Variants in NRXN3 observed in about 807,000 individuals in gnomAD.
NRXN3 encodes neurexin 3.
NRXN3 carries 32 observed loss-of-function variants against 137.6 expected under a neutral mutation model. The observed-to-expected ratio is 0.23, with a 90% CI of 0.18 to 0.31. NRXN3 has a LOEUF of 0.31. NRXN3 is among the 10% of genes least tolerant of loss of function. NRXN3 has a pLI of 1.00. For synonymous variants in NRXN3, 798 were observed against 784.5 expected, an observed-to-expected ratio of 1.02 and a Z score of -0.29; for missense variants, 1,574 against 2,062.5, an observed-to-expected ratio of 0.76 and a Z score of 4.59.
chr14:78,709,751 T>C, intron 7 of NRXN3, 96 bp downstream of exon 7: 2 of 1,098,094 alleles, frequency 1.8e-6, no homozygotes, highest in South Asian at 1.5e-5. Context: ...CACCCTTGCA[T>C]GCTTGTTGAT....
chr14:78,748,312 C>T (rs1389097173), intron 8 of NRXN3, among the ~76,000 whole-genome samples: 1 of 151,696 alleles, frequency 6.6e-6, no homozygotes, highest in African/African-American at 2.4e-5. Flanking sequence ...ATAAGTTGAA[C>T]ATTCATGGTA....
chr14:79,144,803 C>T (rs1217207674), intron 15 of NRXN3, among the ~76,000 whole-genome samples: 2 of 152,150 alleles, frequency 1.3e-5, no homozygotes, highest in African/African-American at 4.8e-5. Flanking sequence ...CTCCATCCTT[C>T]TTTCTTCCTT....
At chr14:78,580,838 T>C (rs934108475) in intron 4 of NRXN3, among the ~76,000 whole-genome samples, 3 of 152,236 alleles carry the variant, frequency 2.0e-5, no homozygotes, top group Non-Finnish European at 4.4e-5. Context: ...CAAAGGGCTT[T>C]TGTCATCCCT....
chr14:78,471,467 G>T (rs1012118953), intron 4 of NRXN3, among the ~76,000 whole-genome samples: 1 of 152,122 alleles, frequency 6.6e-6, no homozygotes, highest in Non-Finnish European at 1.5e-5. Context: ...ACATTTTCTT[G>T]GTCTAACCTA....
chr14:78,388,077 C>T (rs2090235275), intron 4 of NRXN3, among the ~76,000 whole-genome samples: 2 of 152,186 alleles, frequency 1.3e-5, no homozygotes, highest in South Asian at 4.1e-4. Context: ...TTTGTGTCAG[C>T]CCCAGACCAG....
chr14:78,515,500 G>T (rs188199632), intron 4 of NRXN3, among the ~76,000 whole-genome samples: 1 of 152,088 alleles, frequency 6.6e-6, no homozygotes, highest in Admixed American at 6.5e-5. Flanking sequence ...CTAGGAAGTG[G>T]CCTATGAAAA....
chr14:78,609,118 GTCAGGATGGAGAT>G (rs1275814816), intron 4 of NRXN3, among the ~76,000 whole-genome samples: 8 of 152,134 alleles, frequency 5.3e-5, no homozygotes, highest in Non-Finnish European at 1.0e-4. Context: ...GAATAGCTCA[GTCAGGATGGAGAT>G]TCATCTTGAA....
At chr14:79,106,166 T>A (rs1238693533) in intron 15 of NRXN3, among the ~76,000 whole-genome samples, 2 of 152,120 alleles carry the variant, frequency 1.3e-5, no homozygotes, top group Non-Finnish European at 2.9e-5. Context: ...CTTTTCCATG[T>A]TCTTGAGGTC....
chr14:78,581,626 A>G (rs2096998275), intron 4 of NRXN3, among the ~76,000 whole-genome samples: 2 of 152,200 alleles, frequency 1.3e-5, no homozygotes, highest in African/African-American at 4.8e-5. Flanking sequence ...TTTGTCTTGT[A>G]TATATTTTCA....
chr14:78,536,108 G>A (rs376033691), intron 4 of NRXN3, among the ~76,000 whole-genome samples: 1 of 152,178 alleles, frequency 6.6e-6, no homozygotes, highest in Admixed American at 6.5e-5. Context: ...TTCTCACCAA[G>A]TCAATGCAAC....
At chr14:78,464,545 T>G (rs1188881653) in intron 4 of NRXN3, among the ~76,000 whole-genome samples, 1 of 152,206 alleles carries the variant, frequency 6.6e-6, no homozygotes, top group African/African-American at 2.4e-5. Flanking sequence ...TGACTTAATC[T>G]CTCTCTTAAA....
chr14:78,383,604 A>G (rs1475638211), intron 4 of NRXN3, among the ~76,000 whole-genome samples: 1 of 152,202 alleles, frequency 6.6e-6, no homozygotes, highest in Non-Finnish European at 1.5e-5. Context: ...TCTACTGTAC[A>G]ACTCTTAAAC....
intron 16 of NRXN3, among the ~76,000 whole-genome samples, chr14:79,609,282 A>G (rs756676442): frequency 6.6e-6 from 1 of 152,292 alleles, no homozygotes; most frequent in East Asian, 1.9e-4. Context: ...TATTCCACCA[A>G]AAGAGGTTAA....
chr14:79,853,699 T>C, intron 20 of NRXN3: 1 of 1,252,150 alleles, frequency 8.0e-7, no homozygotes, highest in South Asian at 1.4e-5. Flanking sequence ...CCCCTTTCTT[T>C]AGCATTGTTA....
intron 6 of NRXN3, among the ~76,000 whole-genome samples, chr14:78,661,497 C>G (rs1180542015): frequency 6.6e-6 from 1 of 152,226 alleles, no homozygotes; most frequent in Non-Finnish European, 1.5e-5. Flanking sequence ...GCACAAAGCT[C>G]TGTCTTATAT....
intron 4 of NRXN3, among the ~76,000 whole-genome samples, chr14:78,472,162 A>G (rs972970781): frequency 7.9e-5 from 12 of 152,200 alleles, no homozygotes; most frequent in African/African-American, 2.9e-4. Flanking sequence ...AGTTCCCCTC[A>G]GTGTTGGAAA....
rs1049611627 is a variant in NRXN3 at position 79,363,196 on chromosome 14, C to T, written c.3263-104025C>T. 3.3e-4 allele frequency among the ~76,000 whole-genome samples: 50 copies of T among 152,034 alleles called. 2 individuals carry two copies. Among genetic ancestry groups the T allele is most frequent in the Admixed American group, 2.4e-3 (36 of 15,264 alleles). ...TGTATTTTTAGTAGAGACAGGGTTTCGCCATGTTGGCCAGGCTGGTCTCAA... is the reference window on the plus strand; with the variant it reads ...TGTATTTTTAGTAGAGACAGGGTTTTGCCATGTTGGCCAGGCTGGTCTCAA... On this transcript the variant is annotated intron_variant, in intron 15 of 20. Transcript: ENST00000335750.
intron 4 of NRXN3, among the ~76,000 whole-genome samples, chr14:78,444,332 C>A (rs1247708114): frequency 6.6e-6 from 1 of 152,178 alleles, no homozygotes; most frequent in African/African-American, 2.4e-5. Context: ...GGGTTCCTGG[C>A]CCCAGGGTGC....
At chr14:78,770,192 C>T (rs570866674) in intron 8 of NRXN3, among the ~76,000 whole-genome samples, 7 of 152,264 alleles carry the variant, frequency 4.6e-5, no homozygotes, top group Admixed American at 1.3e-4. Flanking sequence ...TAAACTGTGG[C>T]TTTGAACAAT....
Sources: gnomAD v4.1 joint callset for allele counts (sites outside exome capture counted in the v4.1 genomes callset) on GRCh38, gnomAD v4.1.1 for gene constraint, MANE v1.5 for transcripts, NCBI Gene and HGNC (gene_info 2026-07-23, HGNC 2026-07-21) for gene names.